Variants in NMNAT3 observed in about 807,000 individuals in gnomAD.
The protein encoded by NMNAT3 is nicotinamide nucleotide adenylyltransferase 3.
Under a neutral mutation model 24.8 loss-of-function variants are expected in NMNAT3, and 21 were observed. The observed-to-expected ratio is 0.85, with a 90% confidence interval of 0.60 to 1.22. The LOEUF (loss-of-function observed/expected upper bound fraction) is 1.22, where lower values mean the gene tolerates loss of function less well. Among genes scored for constraint, NMNAT3 ranks in the 50% most tolerant of loss-of-function variants. The pLI is 0.00. For synonymous variants in NMNAT3, 136 were observed against 155.2 expected (o/e 0.88, Z 0.92); for missense variants, 387 against 436.6 (o/e 0.89, Z 1.01).
rs1001742822 is a variant in NMNAT3, at chr3:139,650,763, G to A, written c.-140-12701C>T. Among the ~76,000 whole-genome samples the A allele has an allele frequency of 2.0e-5, 3 of 152,294 alleles. No individual in the cohort carries two copies. In the East Asian group the frequency reaches 5.8e-4, roughly 29 times the overall value. Reference sequence around the variant, plus strand: ...TGCAGGAGATCCCTTCTGTGAAAGCGATAAATTCAGAGAAATCTAAAGCTG... The same window carrying A: ...TGCAGGAGATCCCTTCTGTGAAAGCAATAAATTCAGAGAAATCTAAAGCTG... On this transcript the variant is annotated intron_variant, in intron 1 of 6. Coordinates refer to ENST00000643695, the MANE Select transcript of NMNAT3 (RefSeq NM_001320510.2).
At chr3:139,628,516 A>G (rs62273067) in intron 2 of NMNAT3, among the ~76,000 whole-genome samples, 47,769 of 152,180 alleles carry the variant, frequency 0.31, 9,187 homozygotes, top group South Asian at 0.56. Context: ...TTACTGGACT[A>G]TTATCTAATG....
intron 3 of NMNAT3, among the ~76,000 whole-genome samples, chr3:139,607,429 CCT>C (rs1363136696): frequency 1.3e-5 from 2 of 152,168 alleles, no homozygotes; most frequent in African/African-American, 4.8e-5. Flanking sequence ...CATCCACACC[CCT>C]GTGGAAAACA....
At chr3:139,649,502 A>G (rs1428993358) in intron 1 of NMNAT3, among the ~76,000 whole-genome samples, 3 of 152,188 alleles carry the variant, frequency 2.0e-5, no homozygotes, top group Non-Finnish European at 4.4e-5. Context: ...TCATTGACTC[A>G]GTTTCACACA....
intron 1 of NMNAT3, among the ~76,000 whole-genome samples, chr3:139,648,906 A>T (rs530965569): frequency 3.3e-5 from 5 of 150,462 alleles, no homozygotes; most frequent in Non-Finnish European, 7.4e-5. Context: ...GTTTAAACAA[A>T]GCAATCTGTG....
intron 1 of NMNAT3, among the ~76,000 whole-genome samples, chr3:139,658,694 C>T (rs1474107501): frequency 1.3e-5 from 2 of 152,152 alleles, no homozygotes; most frequent in Admixed American, 6.5e-5. Flanking sequence ...CAAAAGAAGT[C>T]GCAGACAGCA....
At chr3:139,621,249 G>A (rs112721401) in intron 3 of NMNAT3, among the ~76,000 whole-genome samples, 16 of 152,242 alleles carry the variant, frequency 1.1e-4, no homozygotes, top group East Asian at 5.8e-4. Flanking sequence ...GTATCTCACC[G>A]TGATCTTCAT....
chr3:139,610,133 C>T (rs945667964), intron 3 of NMNAT3, among the ~76,000 whole-genome samples: 3 of 152,038 alleles, frequency 2.0e-5, no homozygotes, highest in Non-Finnish European at 4.4e-5. Context: ...TGTATATCAG[C>T]AGTAGTGAGG....
intron 6 of NMNAT3, chr3:139,570,171 C>T (rs926213951): frequency 2.6e-5 from 4 of 152,302 alleles, no homozygotes; most frequent in South Asian, 2.1e-4. Flanking sequence ...AGGTAGCTCT[C>T]GTGCCTTGGT....
intron 1 of NMNAT3, among the ~76,000 whole-genome samples, chr3:139,663,655 C>G (rs567604863): frequency 1.6e-4 from 24 of 152,316 alleles, no homozygotes; most frequent in African/African-American, 5.5e-4. Context: ...TAAACACTCT[C>G]TAAGAGTCCC....
chr3:139,668,696 T>C (rs980085303), intron 1 of NMNAT3, among the ~76,000 whole-genome samples: 4 of 152,196 alleles, frequency 2.6e-5, no homozygotes, highest in African/African-American at 9.7e-5. Context: ...TGTAAGAGCA[T>C]GGAGAGTCCA....
At chr3:139,596,966 T>TA (rs2054513522) in intron 3 of NMNAT3, among the ~76,000 whole-genome samples, 5 of 103,748 alleles carry the variant, frequency 4.8e-5, no homozygotes, top group South Asian at 6.9e-4. Flanking sequence ...ATATATATAT[T>TA]TTTATTACAT....
At chr3:139,596,601 C>G (rs910419910) in intron 3 of NMNAT3, among the ~76,000 whole-genome samples, 1 of 151,934 alleles carries the variant, frequency 6.6e-6, no homozygotes, top group African/African-American at 2.4e-5. Flanking sequence ...AAACAATTAC[C>G]TTTTGATATC....
At chr3:139,663,385 A>G (rs1351662824) in intron 1 of NMNAT3, among the ~76,000 whole-genome samples, 3 of 152,214 alleles carry the variant, frequency 2.0e-5, no homozygotes, top group Non-Finnish European at 2.9e-5. Context: ...TAATGCCCCC[A>G]TGCCACAGAA....
intron 1 of NMNAT3, among the ~76,000 whole-genome samples, chr3:139,673,882 C>T (rs1305862769): frequency 6.6e-6 from 1 of 151,922 alleles, no homozygotes; most frequent in East Asian, 1.9e-4. Context: ...CACAGCCAAG[C>T]AGAGGAGGTA....
chr3:139,676,439 A>T (rs9810049), intron 1 of NMNAT3, among the ~76,000 whole-genome samples: 61,875 of 152,078 alleles, frequency 0.41, 12,841 homozygotes, highest in Non-Finnish European at 0.45. Flanking sequence ...GGTGACACCA[A>T]AAGCTGAGAA....
At chr3:139,588,114 C>T (rs555008980) in intron 3 of NMNAT3, among the ~76,000 whole-genome samples, 58 of 152,286 alleles carry the variant, frequency 3.8e-4, no homozygotes, top group Admixed American at 7.2e-4. Context: ...CTTTTCCCTT[C>T]CCCACTGCTC....
chr3:139,575,641 T>C lies in NMNAT3; in HGVS notation c.576-1961A>G, dbSNP rs535464369. On this transcript the variant is annotated intron_variant, in intron 5 of 6. Transcript: ENST00000643695. ...GAATATTAGCTGGATCTCTGAACTT[T>C]GTTGTGGAAATAATTACTTCCAATA... The C allele has an allele frequency of 4.9e-6, 5 of 1,018,018 alleles. No individual in the cohort carries two copies. The East Asian group carries it at 4.8e-4, about 98-fold the overall frequency. The allele number at this position is 1,018,018 out of a possible 1,614,324, so 63.1% of individuals were successfully genotyped here.
intron 3 of NMNAT3, among the ~76,000 whole-genome samples, chr3:139,595,717 T>A (rs1559889174): frequency 2.0e-5 from 3 of 152,074 alleles, no homozygotes; most frequent in Admixed American, 1.3e-4. Flanking sequence ...GGGAAAGGAT[T>A]CCCTATTTAA....
At chr3:139,561,422 T>G in intron 6 of NMNAT3, 30 bp from the exon 7 acceptor site, 1 of 1,589,962 alleles carries the variant, frequency 6.3e-7, no homozygotes, top group Non-Finnish European at 8.6e-7. Context: ...CCCAGTAAAG[T>G]TAGAGAGAGG....
Sources: allele counts gnomAD v4.1 joint callset (sites outside exome capture counted in the v4.1 genomes callset), GRCh38; gene constraint gnomAD v4.1.1; transcripts MANE v1.5; gene names NCBI Gene and HGNC (gene_info 2026-07-23, HGNC 2026-07-21).